Variants in POTEC observed in about 807,000 individuals in gnomAD.
The protein encoded by POTEC is ANKRD26-like family B member 2.
A neutral mutation model predicts 62.0 loss-of-function variants in POTEC; 35 were observed. The ratio of observed to expected loss-of-function variants is 0.56; its 90% CI spans 0.43 to 0.75. POTEC has a LOEUF of 0.75. POTEC is among the 30% of genes least tolerant of loss of function. The probability of loss-of-function intolerance (pLI) is 0.00; values close to 1 mark genes in which losing one functional copy is unlikely to be tolerated. For synonymous variants in POTEC, 156 were observed against 221.5 expected, an observed-to-expected ratio of 0.70 and a Z score of 2.62; for missense variants, 472 against 655.9, an observed-to-expected ratio of 0.72 and a Z score of 3.06.
At chr18:14,512,671 T>C (rs188630767) in intron 10 of POTEC, among the ~76,000 whole-genome samples, 337 of 152,298 alleles carry the variant, frequency 2.2e-3, no homozygotes, top group South Asian at 7.1e-3. Flanking sequence ...TTCAGGAGGC[T>C]GAGGCAGGAG....
chr18:14,539,014 A>T (rs1032159614), intron 1 of POTEC, among the ~76,000 whole-genome samples: 1 of 152,174 alleles, frequency 6.6e-6, no homozygotes, highest in Admixed American at 6.5e-5. Flanking sequence ...TTAGTTCTTA[A>T]AAGAACTATG....
Position 14,524,950 on chromosome 18 carries a change from G to T in POTEC, c.1160C>A (p.Ser387Ter), listed in dbSNP as rs374882920. 6.2e-7 allele frequency: 1 copy of T among 1,605,542 alleles called. No homozygotes were observed. Among genetic ancestry groups the T allele is most frequent in the African/African-American group, 1.3e-5 (1 of 74,446 alleles). ...QDLKLTSEEE[S>*]QRLKVSENSQ... ...ATTTTCACTGACTTTAAGCCTTTGT[G>T]ACTCTTCCTCTGATGTTAGCTTTAA... is the stretch of plus-strand genomic sequence containing the variant. The change falls in exon 7 of 11, where the codon TCA becomes TAA. Residue 387 changes from serine to a stop codon, truncating the protein, a stop_gained. Coordinates refer to ENST00000358970, the MANE Select transcript of POTEC (RefSeq NM_001137671.2). LOFTEE classifies it high-confidence loss of function.
At chr18:14,514,567 A>C (rs1910099603) in intron 9 of POTEC, among the ~76,000 whole-genome samples, 1 of 152,226 alleles carries the variant, frequency 6.6e-6, no homozygotes, top group South Asian at 2.1e-4. Flanking sequence ...ACAGGGTCTA[A>C]TATTGTGTTT....
rs1156887480 is a variant in POTEC at position 14,542,626 on chromosome 18, C to T, written c.521G>A (p.Arg174Lys). The change falls in exon 1 of 11, where the codon AGG becomes AAG. Residue 174 changes from arginine to lysine, a missense_variant and splice_region_variant. Physicochemically the swap from Arg to Lys is conservative, Grantham distance 26 (BLOSUM62 2). This residue lies in a region of POTEC where 257 missense variants were observed against 250.7 expected (regional missense o/e 1.03). Coordinates refer to ENST00000358970, the MANE Select transcript of POTEC (RefSeq NM_001137671.2). ...CTCCTCCCATCCCAGGCCCAGTTAC[C>T]TCTTTTGCTTGTCCCTCTTGTTCAT... ...TDMNKRDKQK[R>K]TALHLASANG... is the part of the protein sequence containing the mutation. The T allele has an allele frequency of 1.2e-6, 2 of 1,612,284 alleles. No homozygotes were observed. The highest frequency in any genetic ancestry group is 1.3e-5 in the African/African-American group (1 of 74,810).
chr18:14,516,338 C>G (rs200990025), intron 9 of POTEC, among the ~76,000 whole-genome samples: 1,464 of 28,688 alleles, frequency 0.051, 49 homozygotes, highest in African/African-American at 0.066. Context: ...ATATATATAC[C>G]TATACCTGAG....
intron 6 of POTEC, chr18:14,527,754 A>C (rs1910474736): frequency 6.6e-6 from 1 of 152,146 alleles, no homozygotes; most frequent in African/African-American, 2.4e-5. Flanking sequence ...ACATGAAAAA[A>C]ATTAAGCAAA....
chr18:14,533,677 C>T (rs1444498454), intron 4 of POTEC, among the ~76,000 whole-genome samples: 1 of 152,154 alleles, frequency 6.6e-6, no homozygotes, highest in Non-Finnish European at 1.5e-5. Context: ...TAAGCATGTG[C>T]TACACACTGA....
At chr18:14,515,020 G>A (rs1173866792) in intron 9 of POTEC, among the ~76,000 whole-genome samples, 2 of 152,142 alleles carry the variant, frequency 1.3e-5, no homozygotes, top group African/African-American at 4.8e-5. Context: ...TCTATCAAAG[G>A]ATAACTGGAA....
chr18:14,510,979 C>T lies in POTEC; in HGVS notation c.*919G>A, dbSNP rs1909991113. The T allele has an allele frequency of 1.3e-5, 2 of 152,224 alleles. No homozygotes were observed. Among genetic ancestry groups the T allele is most frequent in the Admixed American group, 6.5e-5 (1 of 15,270 alleles). 9.4% of individuals were successfully genotyped at this position (152,224 alleles called of 1,614,324 possible). On this transcript the variant is annotated 3_prime_UTR_variant, in exon 11 of 11. Transcript: ENST00000358970. ...GGCTGGAGACCCTGGTTGAAAGGCT[C>T]CACCCAGTGATTAGAAATGTGGTTG...
At chr18:14,534,417 T>C (rs1049508944) in intron 4 of POTEC, among the ~76,000 whole-genome samples, 1 of 152,104 alleles carries the variant, frequency 6.6e-6, no homozygotes, top group African/African-American at 2.4e-5. Flanking sequence ...CATGTGGCGA[T>C]AAGCTAACAT....
chr18:14,524,148 T>C (rs187366244), intron 7 of POTEC, among the ~76,000 whole-genome samples: 45 of 152,274 alleles, frequency 3.0e-4, no homozygotes, highest in Middle Eastern at 3.4e-3. Flanking sequence ...GTGTACTAAT[T>C]ATAGTGGATA....
At position 14,507,675 on chromosome 18, in the gene POTEC, C is replaced by A. The variant is rs981611342; in HGVS notation, c.*4223G>T. The A allele has an allele frequency of 6.6e-6, 1 of 152,146 alleles. No individual in the cohort carries two copies. The highest frequency in any genetic ancestry group is 2.4e-5 in the African/African-American group (1 of 41,426). 9.4% of individuals were successfully genotyped at this position (152,146 alleles called of 1,614,324 possible). The stretch of plus-strand genomic sequence containing the variant: ...TGTATGTGGTTGGTTTTTAGCATCA[C>A]TTGTCTGTGTACTTCAGTGTGTTTT... On this transcript the variant is annotated 3_prime_UTR_variant, in exon 11 of 11. Transcript: ENST00000358970.
Position 14,542,920 on chromosome 18 carries a change from C to A in POTEC, c.227G>T (p.Gly76Val). 9 of 1,525,260 alleles carry A rather than the reference C, an allele frequency of 5.9e-6. No homozygotes were observed. Among genetic ancestry groups the A allele is most frequent in the Non-Finnish European group, 8.0e-6 (9 of 1,129,932 alleles). 94.5% of individuals were successfully genotyped at this position (1,525,260 alleles called of 1,614,324 possible). A position where few individuals can be genotyped will look rare whatever the true frequency, so the allele number is the denominator to read the frequency against. Residue 76 changes from glycine (G) to valine (V), a missense_variant, in exon 1 of 11, where the codon GGC (glycine) becomes GTC (valine). Gly to Val is a moderately radical substitution (Grantham distance 109, BLOSUM62 -3). Transcript: ENST00000358970. ...TCCAGAAGTGCCCACGTTGCTCGTGCCGCTCCCCCTGCAGCAGGGGAAGCA... is the reference window on the plus strand; with the variant it reads ...TCCAGAAGTGCCCACGTTGCTCGTGACGCTCCCCCTGCAGCAGGGGAAGCA... Reference protein sequence around the residue: ...HHCFPCCRGSGTSNVGTSGDH... With the variant: ...HHCFPCCRGSVTSNVGTSGDH...
chr18:14,512,837 T>C (rs565185356), intron 10 of POTEC, among the ~76,000 whole-genome samples: 2 of 152,248 alleles, frequency 1.3e-5, no homozygotes, highest in Non-Finnish European at 2.9e-5. Context: ...GGTCTTCTGA[T>C]GCTACTGCTA....
intron 2 of POTEC, 49 bp from the exon 3 acceptor site, chr18:14,538,023 A>C: frequency 3.7e-6 from 6 of 1,601,252 alleles, no homozygotes; most frequent in Non-Finnish European, 5.1e-6. Flanking sequence ...GGAATTCAAA[A>C]TAACATTCCA....
chr18:14,512,556 C>T (rs539202517), intron 10 of POTEC, among the ~76,000 whole-genome samples: 1 of 152,344 alleles, frequency 6.6e-6, no homozygotes, highest in African/African-American at 2.4e-5. Flanking sequence ...AAGCATTGCA[C>T]TTCTACCTAC....
rs1304491786 is a variant in POTEC, at chr18:14,542,940, G to A, written c.207C>T (p.Phe69=). The A allele has an allele frequency of 1.3e-6, 2 of 1,554,424 alleles. No homozygotes were observed. The highest frequency in any genetic ancestry group is 1.4e-5 in the African/African-American group (1 of 72,388). The change falls in exon 1 of 11, where the codon TTC becomes TTT. Residue 69 remains phenylalanine, a synonymous_variant. Transcript: ENST00000358970. ...SKMGKCCHHC[F]PCCRGSGTSN... ...TCGTGCCGCTCCCCCTGCAGCAGGG[G>A]AAGCAGTGGTGGCAACACTTGCCCA...
chr18:14,520,457 T>C (rs188192656), intron 9 of POTEC, among the ~76,000 whole-genome samples: 1 of 152,118 alleles, frequency 6.6e-6, no homozygotes, highest in African/African-American at 2.4e-5. Context: ...TCTAGGACAG[T>C]TGATACTCAT....
At chr18:14,524,301 T>C (rs12606583) in intron 7 of POTEC, among the ~76,000 whole-genome samples, 61,583 of 151,936 alleles carry the variant, frequency 0.41, 13,632 homozygotes, top group African/African-American at 0.59. Flanking sequence ...TGACCTGGTT[T>C]CCTCCCTGAG....
Sources: allele counts gnomAD v4.1 joint callset (sites outside exome capture counted in the v4.1 genomes callset), GRCh38; gene constraint gnomAD v4.1.1; regional missense constraint gnomAD v4.1.1; transcripts MANE v1.5; gene names NCBI Gene and HGNC (gene_info 2026-07-23, HGNC 2026-07-21).